The following EP300 variants were observed in gnomAD, a reference collection of about 807,000 sequenced individuals.
The protein encoded by EP300 is histone acetyltransferase p300.
Under a neutral mutation model 264.0 loss-of-function variants are expected in EP300, and 31 were observed. The observed-to-expected ratio is 0.12, with a 90% CI of 0.09 to 0.16. The LOEUF (loss-of-function observed/expected upper bound fraction) is 0.16. Ranked by LOEUF, EP300 falls within the 10% of genes least tolerant of loss-of-function variation. EP300 has a pLI of 1.00. For missense variants in EP300, 2,766 were observed against 3,052.9 expected (o/e 0.91, Z 2.21); for synonymous variants, 1,340 against 1,045.4 (o/e 1.28, Z -5.44).
In EP300 at chr22:41,133,032, T is replaced by G. The variant is rs1054634382; in HGVS notation, c.1528+1399T>G. Reference sequence around the variant, plus strand: ...GTTTGAGTAGTTAGACATCCAGCATTGTAGAGACCAGGTCTTGTCCAGGTT... The same window carrying G: ...GTTTGAGTAGTTAGACATCCAGCATGGTAGAGACCAGGTCTTGTCCAGGTT... On this transcript the variant is annotated intron_variant, in intron 6 of 30. Transcript: ENST00000263253. Among the ~76,000 whole-genome samples, 4 of 152,296 alleles carry G rather than the reference T, an allele frequency of 2.6e-5. No individual in the cohort carries two copies. In the East Asian group the frequency reaches 7.7e-4, roughly 29 times the overall value.
chr22:41,096,801 T>C (rs972771885), intron 1 of EP300, among the ~76,000 whole-genome samples: 6 of 151,986 alleles, frequency 3.9e-5, no homozygotes, highest in Non-Finnish European at 4.4e-5. Context: ...TATTTTTTAG[T>C]GGAGACAGTA....
At chr22:41,097,690 G>A (rs956059674) in intron 1 of EP300, among the ~76,000 whole-genome samples, 1 of 152,122 alleles carries the variant, frequency 6.6e-6, no homozygotes, top group South Asian at 2.1e-4. Context: ...AGATTTTAGG[G>A]TTTCCTTCTT....
At position 41,158,359 on chromosome 22, in the gene EP300, T is replaced by C. The variant is rs535529477; in HGVS notation, c.3502-53T>C. ...GTTTCTGACTTGCCATTCTTACTGT[T>C]CTAGCTTGTCCTTAAGGCCTCTGTG... On this transcript the variant is annotated intron_variant, in intron 18 of 30. Transcript: ENST00000263253. 48 of 1,468,064 alleles carry C rather than the reference T, an allele frequency of 3.3e-5. No homozygotes were observed. In the South Asian group the frequency reaches 4.4e-4, roughly 13 times the overall value. The allele number at this position is 1,468,064 out of a possible 1,614,324, so 90.9% of individuals were successfully genotyped here.
At chr22:41,102,505 T>A (rs947924509) in intron 1 of EP300, among the ~76,000 whole-genome samples, 6 of 152,130 alleles carry the variant, frequency 3.9e-5, no homozygotes, top group African/African-American at 1.4e-4. Context: ...AAAACTTGAC[T>A]GTAGAGGTGA....
intron 1 of EP300, among the ~76,000 whole-genome samples, chr22:41,111,574 C>G (rs1369693644): frequency 6.6e-6 from 1 of 151,662 alleles, no homozygotes; most frequent in Non-Finnish European, 1.5e-5. Flanking sequence ...CGGAGTTTTG[C>G]TTTTGTCACC....
At chr22:41,109,438 T>G (rs938844056) in intron 1 of EP300, among the ~76,000 whole-genome samples, 3 of 152,116 alleles carry the variant, frequency 2.0e-5, no homozygotes, top group East Asian at 3.9e-4. Context: ...CTTCTGAGGT[T>G]GTTGAGATGA....
chr22:41,122,864 C>T (rs147457367), intron 2 of EP300, among the ~76,000 whole-genome samples: 3 of 151,974 alleles, frequency 2.0e-5, no homozygotes, highest in Non-Finnish European at 4.4e-5. Context: ...TGGGCAACAT[C>T]TCTACAAAAA....
intron 4 of EP300, 108 bp from the exon 5 acceptor site, chr22:41,129,782 G>T (rs2058906167): frequency 1.2e-6 from 1 of 820,456 alleles, no homozygotes; most frequent in Non-Finnish European, 2.0e-6. Context: ...TTAGGAAGAT[G>T]AAATAAGTTA....
intron 4 of EP300, among the ~76,000 whole-genome samples, chr22:41,128,010 A>G (rs2145710835): frequency 6.6e-6 from 1 of 152,256 alleles, no homozygotes; most frequent in South Asian, 2.1e-4. Context: ...CAACATAGCA[A>G]GACCTCGCCG....
intron 21 of EP300, among the ~76,000 whole-genome samples, chr22:41,163,725 C>T (rs186646558): frequency 9.2e-5 from 14 of 151,980 alleles, no homozygotes; most frequent in Admixed American, 3.3e-4. Flanking sequence ...CCAGCCTGGG[C>T]GACACAGAGA....
chr22:41,168,927 G>A (rs936933121), intron 25 of EP300, 60 bp downstream of exon 25: 40 of 1,601,832 alleles, frequency 2.5e-5, no homozygotes, highest in Non-Finnish European at 3.1e-5. Flanking sequence ...CTTATAATAG[G>A]TGGAAAAGCA....
chr22:41,149,015 T>G (rs770787422), intron 12 of EP300, 23 bp from the exon 13 acceptor site: 1 of 1,612,386 alleles, frequency 6.2e-7, no homozygotes, highest in East Asian at 2.2e-5. Flanking sequence ...AGTTTGGTGA[T>G]TTGTGTTTTT....
chr22:41,177,723 G>T lies in EP300; in HGVS notation c.6012G>T (p.Gln2004His), dbSNP rs369518618. The T allele has an allele frequency of 1.4e-5, 23 of 1,613,716 alleles. No homozygotes were observed. The highest frequency in any genetic ancestry group is 1.9e-5 in the Non-Finnish European group (22 of 1,180,024). ...PWSQGGLPQP[Q>H]QLQSGMPRPA... is the part of the protein sequence containing the mutation. Reference sequence around the variant, plus strand: ...GCCAAGGAGGATTGCCTCAGCCCCAGCAACTACAGTCTGGGATGCCAAGGC... The same window carrying T: ...GCCAAGGAGGATTGCCTCAGCCCCATCAACTACAGTCTGGGATGCCAAGGC... The change falls in exon 31 of 31, where the codon CAG becomes CAT. Residue 2004 changes from glutamine to histidine, a missense_variant. Coordinates refer to ENST00000263253, the MANE Select transcript of EP300 (RefSeq NM_001429.4).
At chr22:41,119,184 T>A (rs140203996) in intron 2 of EP300, among the ~76,000 whole-genome samples, 54,382 of 114,942 alleles carry the variant, frequency 0.47, 12,850 homozygotes, top group Admixed American at 0.64. Context: ...TATTTTTTTT[T>A]TTTTTTTTTT....
rs371822185 is a variant in EP300 at position 41,166,579 on chromosome 22, A to C, written c.3807-20A>C. 59 of 1,608,372 alleles carry C rather than the reference A, an allele frequency of 3.7e-5. No individual in the cohort carries two copies. Among genetic ancestry groups the C allele is most frequent in the Non-Finnish European group, 4.8e-5 (57 of 1,175,448 alleles). On this transcript the variant is annotated intron_variant, in intron 22 of 30. Transcript: ENST00000263253. ...ACGGTTTATCTAAGTTGTGTAAGCAAAGTTTTGGTTTACATTTAGATTCGT... is the reference window on the plus strand; with the variant it reads ...ACGGTTTATCTAAGTTGTGTAAGCACAGTTTTGGTTTACATTTAGATTCGT...
chr22:41,142,069 A>G (rs184850227), intron 10 of EP300, among the ~76,000 whole-genome samples: 1 of 152,346 alleles, frequency 6.6e-6, no homozygotes, highest in South Asian at 2.1e-4. Flanking sequence ...AGCCAAGACT[A>G]TGATAAATAG....
At chr22:41,148,045 A>T (rs2059022561) in intron 12 of EP300, 99 bp downstream of exon 12, 1 of 859,072 alleles carries the variant, frequency 1.2e-6, no homozygotes, top group South Asian at 1.8e-5. Flanking sequence ...ATTTAAACAG[A>T]CCATAACTCC....
intron 1 of EP300, among the ~76,000 whole-genome samples, chr22:41,105,290 C>T (rs1052884611): frequency 7.3e-5 from 11 of 150,254 alleles, no homozygotes; most frequent in Middle Eastern, 3.5e-3. Flanking sequence ...ATCTCTTGAA[C>T]CCGGGAGGCG....
At chr22:41,170,962 C>CT (rs566562957) in intron 27 of EP300, among the ~76,000 whole-genome samples, 40,846 of 136,476 alleles carry the variant, frequency 0.3, 6,316 homozygotes, top group East Asian at 0.49. Flanking sequence ...CGTGCCCAGC[C>CT]TTTTTTTTTT....
Sources: allele counts gnomAD v4.1 joint callset (sites outside exome capture counted in the v4.1 genomes callset), GRCh38; gene constraint gnomAD v4.1.1; transcripts MANE v1.5; gene names NCBI Gene and HGNC (gene_info 2026-07-23, HGNC 2026-07-21).